The following VCF2 variants were observed in gnomAD, a reference collection of about 807,000 sequenced individuals.
VCF2 encodes protein VCF2.
chrX:55,160,023 TCTAGGAGACTGAGTA>T, the VCF2 span, among the ~76,000 whole-genome samples: 1 of 112,017 alleles, frequency 8.9e-6, no homozygotes, highest in Non-Finnish European at 1.9e-5. Flanking sequence ...AATTCTCATC[TCTAGGAGACTGAGTA>T]CTAGGAGACT....
At chrX:55,147,184 C>A in the VCF2 span, among the ~76,000 whole-genome samples, 1 of 111,659 alleles carries the variant, frequency 9.0e-6, no homozygotes, top group Non-Finnish European at 1.9e-5. Flanking sequence ...TTTAACAATG[C>A]TGGTATTATA....
At chrX:55,153,657 G>T in the VCF2 span, among the ~76,000 whole-genome samples, 1 of 110,309 alleles carries the variant, frequency 9.1e-6, no homozygotes, top group African/African-American at 3.3e-5. Flanking sequence ...CACCGCGCCC[G>T]TCCTGTATCT....
At chrX:55,156,586 C>T in the VCF2 span, among the ~76,000 whole-genome samples, 1 of 112,206 alleles carries the variant, frequency 8.9e-6, no homozygotes, top group African/African-American at 3.2e-5. Flanking sequence ...TGTTGAATTA[C>T]AACCACTTTC....
At chrX:55,152,466 C>T in the VCF2 span, among the ~76,000 whole-genome samples, 1 of 111,561 alleles carries the variant, frequency 9.0e-6, no homozygotes, top group East Asian at 2.8e-4. Context: ...GTGTGACCTA[C>T]CCATCTAGAA....
At chrX:55,155,941 C>CTTTTTTT in the VCF2 span, among the ~76,000 whole-genome samples, 3 of 50,524 alleles carry the variant, frequency 5.9e-5, no homozygotes, top group Non-Finnish European at 1.4e-4. Context: ...TCTTCTTCTT[C>CTTTTTTT]TTTTTTTTTT....
the VCF2 span, chrX:55,146,350 T>C: frequency 8.8e-7 from 1 of 1,130,872 alleles, no homozygotes; most frequent in South Asian, 1.8e-5. Context: ...GCTATTATGC[T>C]ATTACAACAT....
chrX:55,151,375 T>C, the VCF2 span, among the ~76,000 whole-genome samples: 1 of 112,443 alleles, frequency 8.9e-6, no homozygotes, highest in African/African-American at 3.2e-5. Context: ...AATGGCACTT[T>C]CTGACAGGCC....
the VCF2 span, among the ~76,000 whole-genome samples, chrX:55,158,692 A>G: frequency 3.1e-3 from 348 of 111,677 alleles, 1 homozygote; most frequent in African/African-American, 0.011. Flanking sequence ...AAAAAATTAA[A>G]AACTTCAAAC....
chrX:55,156,618 T>C, the VCF2 span, among the ~76,000 whole-genome samples: 1 of 112,565 alleles, frequency 8.9e-6, no homozygotes, highest in Non-Finnish European at 1.9e-5. Flanking sequence ...GGTAATGATA[T>C]TCATGTGTTA....
At chrX:55,152,090 A>G in the VCF2 span, among the ~76,000 whole-genome samples, 1 of 106,720 alleles carries the variant, frequency 9.4e-6, no homozygotes, top group Admixed American at 1.0e-4. Context: ...ACGGGGTTTC[A>G]CCGTTTTAGC....
the VCF2 span, among the ~76,000 whole-genome samples, chrX:55,151,315 A>G: frequency 8.9e-6 from 1 of 112,324 alleles, no homozygotes; most frequent in African/African-American, 3.2e-5. Context: ...CTGGCCTCAT[A>G]TATTGTCTAC....
At chrX:55,143,924 G>GATTT in the VCF2 span, 3 of 860,261 alleles carry the variant, frequency 3.5e-6, no homozygotes, top group Non-Finnish European at 5.1e-6. Flanking sequence ...TAGGACAAGA[G>GATTT]ATTTACACTG....
At chrX:55,147,634 G>T in the VCF2 span, among the ~76,000 whole-genome samples, 916 of 53,374 alleles carry the variant, frequency 0.017, 2 homozygotes, top group Middle Eastern at 0.056. Context: ...GGCTTTCCTT[G>T]TTTTTTTTTT....
At chrX:55,156,237 C>T in the VCF2 span, among the ~76,000 whole-genome samples, 1 of 111,915 alleles carries the variant, frequency 8.9e-6, no homozygotes, top group Non-Finnish European at 1.9e-5. Flanking sequence ...CAGGCGTGAG[C>T]CACTGCGCCT....
At chrX:55,147,634 GTTTTTT>G in the VCF2 span, among the ~76,000 whole-genome samples, 5 of 54,094 alleles carry the variant, frequency 9.2e-5, no homozygotes, top group Non-Finnish European at 1.3e-4. Context: ...GGCTTTCCTT[GTTTTTT>G]TTTTTTTTTT....
the VCF2 span, chrX:55,160,833 AC>A: frequency 6.1e-6 from 7 of 1,154,582 alleles, no homozygotes; most frequent in Admixed American, 2.6e-5. Flanking sequence ...TCCCCACCTC[AC>A]CCCCGCCTCC....
At chrX:55,161,127 A>C in the VCF2 span, 1 of 1,208,965 alleles carries the variant, frequency 8.3e-7, no homozygotes. Flanking sequence ...AAAGGCCCCG[A>C]CGAACTTACC....
chrX:55,146,070 GAA>G, the VCF2 span: 1 of 1,206,137 alleles, frequency 8.3e-7, no homozygotes, highest in Non-Finnish European at 1.1e-6. Flanking sequence ...TTGGAATAAG[GAA>G]GTCCTAATTC....
chrX:55,151,484 T>C, the VCF2 span, among the ~76,000 whole-genome samples: 2 of 112,606 alleles, frequency 1.8e-5, no homozygotes, highest in Non-Finnish European at 3.7e-5. Context: ...GCCCAAGGCG[T>C]TGAAGTGTAA....
Sources: gnomAD v4.1 joint callset for allele counts (sites outside exome capture counted in the v4.1 genomes callset) on GRCh38, gnomAD v4.1.1 for gene constraint, MANE v1.5 for transcripts, NCBI Gene and HGNC (gene_info 2026-07-23, HGNC 2026-07-21) for gene names.